ASIC2: variants seen among roughly 807,000 people sequenced by gnomAD.
ASIC2 encodes the protein acid sensing ion channel subunit 2.
ASIC2 carries 25 observed loss-of-function variants against 57.3 expected under a neutral mutation model. That is an observed-to-expected ratio of 0.44 (90% CI 0.32 to 0.61). The LOEUF is 0.61. Among genes scored for constraint, ASIC2 ranks in the 20% least tolerant of loss-of-function variants. The probability of loss-of-function intolerance (pLI) is 0.06; values close to 1 mark genes in which losing one functional copy is unlikely to be tolerated. For missense variants in ASIC2, 641 were observed against 738.1 expected (o/e 0.87, Z 1.52); for synonymous variants, 319 against 307.5 (o/e 1.04, Z -0.39).
At chr17:33,316,341 A>G (rs1173621185) in intron 1 of ASIC2, among the ~76,000 whole-genome samples, 1 of 152,152 alleles carries the variant, frequency 6.6e-6, no homozygotes, top group Non-Finnish European at 1.5e-5. Flanking sequence ...TCTTCACCCC[A>G]ACTCTCTCTG....
chr17:33,162,369 C>T (rs151332540), intron 1 of ASIC2, among the ~76,000 whole-genome samples: 5 of 152,296 alleles, frequency 3.3e-5, no homozygotes, highest in East Asian at 3.9e-4. Flanking sequence ...TCTCCTCGCA[C>T]GGAACATCTG....
At chr17:33,058,048 A>G (rs1045689114) in intron 3 of ASIC2, among the ~76,000 whole-genome samples, 1 of 152,338 alleles carries the variant, frequency 6.6e-6, no homozygotes, top group East Asian at 1.9e-4. Flanking sequence ...ACATATTAAA[A>G]AAAAAGGTAT....
chr17:33,522,469 A>G (rs908795458), intron 1 of ASIC2, among the ~76,000 whole-genome samples: 3 of 152,150 alleles, frequency 2.0e-5, no homozygotes, highest in Admixed American at 1.3e-4. Context: ...AGTTCTGACC[A>G]TGGTTGGAAT....
At chr17:34,107,572 C>T (rs985120340) in intron 1 of ASIC2, among the ~76,000 whole-genome samples, 1 of 152,068 alleles carries the variant, frequency 6.6e-6, no homozygotes, top group Admixed American at 6.6e-5. Flanking sequence ...TCTTAAAGTA[C>T]ATTCAGAATT....
At chr17:33,236,269 A>G (rs1326139344) in intron 1 of ASIC2, among the ~76,000 whole-genome samples, 1 of 152,314 alleles carries the variant, frequency 6.6e-6, no homozygotes, top group East Asian at 1.9e-4. Flanking sequence ...AGTGAGTTCA[A>G]TGGTGTCTCT....
intron 1 of ASIC2, among the ~76,000 whole-genome samples, chr17:34,054,913 T>C (rs1908710043): frequency 1.3e-5 from 2 of 152,176 alleles, no homozygotes; most frequent in South Asian, 4.1e-4. Context: ...ATGTATCTAT[T>C]GGGAGGGCTT....
intron 1 of ASIC2, among the ~76,000 whole-genome samples, chr17:33,182,846 G>A (rs940781867): frequency 3.9e-5 from 6 of 152,044 alleles, no homozygotes; most frequent in Non-Finnish European, 8.8e-5. Flanking sequence ...ATTCGTTCCC[G>A]CCCAAACTCG....
intron 1 of ASIC2, among the ~76,000 whole-genome samples, chr17:33,113,006 A>G (rs1405755452): frequency 6.6e-6 from 1 of 152,130 alleles, no homozygotes; most frequent in African/African-American, 2.4e-5. Context: ...CATCCACTGG[A>G]AGGTAGACTC....
At chr17:33,162,740 T>C (rs111468788) in intron 1 of ASIC2, among the ~76,000 whole-genome samples, 2 of 152,244 alleles carry the variant, frequency 1.3e-5, no homozygotes, top group African/African-American at 4.8e-5. Context: ...CACAAATTAA[T>C]TGCTATTTTT....
chr17:33,345,596 G>A (rs1907911800), intron 1 of ASIC2, among the ~76,000 whole-genome samples: 3 of 152,158 alleles, frequency 2.0e-5, no homozygotes, highest in Admixed American at 2.0e-4. Context: ...AGAAAATCTG[G>A]TACAAATGCT....
At chr17:34,038,785 C>T in intron 1 of ASIC2, 1 of 1,611,764 alleles carries the variant, frequency 6.2e-7, no homozygotes, top group Non-Finnish European at 8.5e-7. Flanking sequence ...TCTTGCTTTT[C>T]CACTGTTTCT....
At chr17:33,647,306 T>C (rs1906772779) in intron 1 of ASIC2, among the ~76,000 whole-genome samples, 1 of 152,226 alleles carries the variant, frequency 6.6e-6, no homozygotes, top group South Asian at 2.1e-4. Context: ...AGATGCCCTG[T>C]GAACTGTCAC....
At chr17:34,151,328 G>C (rs999726741) in intron 1 of ASIC2, among the ~76,000 whole-genome samples, 4 of 152,138 alleles carry the variant, frequency 2.6e-5, no homozygotes, top group Admixed American at 2.0e-4. Context: ...TGGAGGGGGT[G>C]GGAAATGGGC....
At chr17:33,776,278 G>A (rs1359630222) in intron 1 of ASIC2, among the ~76,000 whole-genome samples, 2 of 152,144 alleles carry the variant, frequency 1.3e-5, no homozygotes, top group African/African-American at 2.4e-5. Flanking sequence ...CCTCATAATT[G>A]GGATAGCCCC....
chr17:33,064,974 G>T (rs563144151), intron 3 of ASIC2, among the ~76,000 whole-genome samples: 1 of 152,286 alleles, frequency 6.6e-6, no homozygotes, highest in South Asian at 2.1e-4. Flanking sequence ...TGGAGTTACA[G>T]AGAGGCTTGG....
intron 1 of ASIC2, among the ~76,000 whole-genome samples, chr17:33,979,860 G>A (rs143601653): frequency 6.6e-6 from 1 of 152,206 alleles, no homozygotes; most frequent in East Asian, 1.9e-4. Flanking sequence ...GAAGAACTCG[G>A]GAACTCAGTC....
chr17:33,906,333 G>A (rs1484180698), intron 1 of ASIC2, among the ~76,000 whole-genome samples: 1 of 152,184 alleles, frequency 6.6e-6, no homozygotes, highest in African/African-American at 2.4e-5. Flanking sequence ...GTAGGTCAAA[G>A]TCATCTTGAC....
At chr17:34,154,771 T>A (rs145609096) in intron 1 of ASIC2, among the ~76,000 whole-genome samples, 2 of 152,290 alleles carry the variant, frequency 1.3e-5, no homozygotes, top group Non-Finnish European at 2.9e-5. Context: ...AACTTGCAAT[T>A]GCATTTTGGC....
chr17:33,950,480 G>A (rs1904524482), intron 1 of ASIC2, among the ~76,000 whole-genome samples: 1 of 151,894 alleles, frequency 6.6e-6, no homozygotes, highest in Non-Finnish European at 1.5e-5. Context: ...AGAGAAGTGA[G>A]TTATAAAAAA....
Sources: allele counts gnomAD v4.1 joint callset (sites outside exome capture counted in the v4.1 genomes callset), GRCh38; gene constraint gnomAD v4.1.1; transcripts MANE v1.5; gene names NCBI Gene and HGNC (gene_info 2026-07-23, HGNC 2026-07-21).